MET: variants seen among roughly 807,000 people sequenced by gnomAD.
The protein encoded by MET is MET proto-oncogene, receptor tyrosine kinase.
A neutral mutation model predicts 133.1 loss-of-function variants in MET; 48 were observed. The ratio of observed to expected loss-of-function variants is 0.36; its 90% CI spans 0.29 to 0.46. The LOEUF is 0.46. Ranked by LOEUF, MET falls within the 20% of genes least tolerant of loss-of-function variation. The pLI, the probability that MET is intolerant of heterozygous loss-of-function variation, is 1.00. For missense variants in MET, 1,442 were observed against 1,695.9 expected (o/e 0.85, Z 2.63); for synonymous variants, 628 against 616.5 (o/e 1.02, Z -0.28).
chr7:116,774,801 T>C (rs2117028613), intron 14 of MET, 80 bp from the exon 15 acceptor site: 1 of 1,063,228 alleles, frequency 9.4e-7, no homozygotes, highest in African/African-American at 1.6e-5. Context: ...ACTAATTCCA[T>C]TATAAAAGCT....
chr7:116,777,410 A>G lies in MET; in HGVS notation c.3281A>G (p.His1094Arg), dbSNP rs121913243. 1 of 1,613,868 alleles carries G rather than the reference A, an allele frequency of 6.2e-7. No individual in the cohort carries two copies. The highest frequency in any genetic ancestry group is 8.5e-7 in the Non-Finnish European group (1 of 1,179,846). Reference protein sequence around the residue: ...IGRGHFGCVYHGTLLDNDGKK... With the variant: ...IGRGHFGCVYRGTLLDNDGKK... ...ACAGGGCATTTTGGTTGTGTATATC[A>G]TGGGACTTTGTTGGACAATGATGGC... is the stretch of plus-strand genomic sequence containing the variant. Residue 1094 changes from histidine to arginine, a missense_variant, in exon 16 of 21, where the codon CAT becomes CGT. Transcript: ENST00000397752.
At chr7:116,747,457 A>G (rs1057454981) in intron 5 of MET, among the ~76,000 whole-genome samples, 2 of 152,200 alleles carry the variant, frequency 1.3e-5, no homozygotes, top group Non-Finnish European at 2.9e-5. Context: ...GGAAAGCAAA[A>G]AAAGCAGGGG....
intron 4 of MET, 117 bp from the exon 5 acceptor site, chr7:116,740,735 T>C (rs1035709000): frequency 7.8e-7 from 1 of 1,288,808 alleles, no homozygotes; most frequent in African/African-American, 1.5e-5. Context: ...ACATAGTTGC[T>C]AAGTCTAGAA....
At chr7:116,724,442 G>A (rs1183188173) in intron 2 of MET, among the ~76,000 whole-genome samples, 2 of 152,196 alleles carry the variant, frequency 1.3e-5, no homozygotes, top group African/African-American at 2.4e-5. Context: ...CGTCGCTCAC[G>A]CTGGGAGCTG....
intron 19 of MET, among the ~76,000 whole-genome samples, chr7:116,791,723 G>A (rs1477999566): frequency 6.6e-6 from 1 of 152,064 alleles, no homozygotes; most frequent in Non-Finnish European, 1.5e-5. Context: ...GAAGTGCAGT[G>A]GTGCAATCTT....
At chr7:116,716,684 C>T (rs138190830) in intron 2 of MET, among the ~76,000 whole-genome samples, 116 of 152,238 alleles carry the variant, frequency 7.6e-4, no homozygotes, top group Non-Finnish European at 1.1e-3. Context: ...TCATCAATGG[C>T]GTATTCAAAC....
chr7:116,777,382 T>C lies in MET; in HGVS notation c.3260-7T>C. 6.2e-7 allele frequency: 1 copy of C among 1,613,280 alleles called. No individual in the cohort carries two copies. Among genetic ancestry groups the C allele is most frequent in the Non-Finnish European group, 8.5e-7 (1 of 1,179,272 alleles). On this transcript the variant is annotated splice_polypyrimidine_tract_variant and splice_region_variant and intron_variant, in intron 15 of 20. Coordinates refer to ENST00000397752, the MANE Select transcript of MET (RefSeq NM_000245.4). ...GCAGTGCTAACCAAGTTCTTTCTTT[T>C]GCACAGGGCATTTTGGTTGTGTATA...
intron 5 of MET, among the ~76,000 whole-genome samples, chr7:116,741,711 C>T (rs1793461723): frequency 6.6e-6 from 1 of 152,226 alleles, no homozygotes; most frequent in Non-Finnish European, 1.5e-5. Flanking sequence ...AGCAAAGGCT[C>T]AACGGATGAC....
At chr7:116,776,963 A>G (rs544084654) in intron 15 of MET, among the ~76,000 whole-genome samples, 1 of 152,338 alleles carries the variant, frequency 6.6e-6, no homozygotes, top group East Asian at 1.9e-4. Context: ...GCTTATTAGA[A>G]TATAGAGAAC....
chr7:116,741,214 G>A lies in MET; in HGVS notation c.1701+189G>A, dbSNP rs1233687622. Reference sequence around the variant, plus strand: ...CATCTCTCTCTTGGCTTTATCCCTCGGGCAGGGAGGGGGTGGTGTTTGGGC... The same window carrying A: ...CATCTCTCTCTTGGCTTTATCCCTCAGGCAGGGAGGGGGTGGTGTTTGGGC... On this transcript the variant is annotated intron_variant, in intron 5 of 20. Transcript: ENST00000397752. 7 of 656,492 alleles carry A rather than the reference G, an allele frequency of 1.1e-5. No individual in the cohort carries two copies. The East Asian group carries it at 1.2e-4, about 11-fold the overall frequency. 40.7% of individuals were successfully genotyped at this position (656,492 alleles called of 1,614,324 possible).
At chr7:116,759,740 A>G (rs1794325173) in intron 10 of MET, 6 of 480,856 alleles carry the variant, frequency 1.2e-5, no homozygotes, top group South Asian at 4.0e-5. Context: ...AAGATTACCA[A>G]TTTGAGACAG....
intron 1 of MET, among the ~76,000 whole-genome samples, chr7:116,679,837 T>G (rs141338324): frequency 7.6e-4 from 116 of 152,336 alleles, no homozygotes; most frequent in South Asian, 1.7e-3. Flanking sequence ...GAATTTGACA[T>G]AGCTTTAAGT....
chr7:116,792,742 C>T lies in MET; in HGVS notation c.3799-2913C>T, dbSNP rs542726958. Reference sequence around the variant, plus strand: ...TCCTTGGAAAATTACCCAACTCCATCCCCCTTTTATGTGACTTTGTCTCCA... The same window carrying T: ...TCCTTGGAAAATTACCCAACTCCATTCCCCTTTTATGTGACTTTGTCTCCA... On this transcript the variant is annotated intron_variant, in intron 19 of 20. Coordinates refer to ENST00000397752, the MANE Select transcript of MET (RefSeq NM_000245.4). Among the ~76,000 whole-genome samples, 352 of 152,278 alleles carry T rather than the reference C, an allele frequency of 2.3e-3. 4 individuals are homozygous for T. The highest frequency in any genetic ancestry group is 3.9e-3 in the Non-Finnish European group (263 of 68,024).
chr7:116,774,172 A>G (rs1794918274), intron 14 of MET, among the ~76,000 whole-genome samples: 1 of 152,218 alleles, frequency 6.6e-6, no homozygotes, highest in African/African-American at 2.4e-5. Context: ...TCTCCTTGCA[A>G]AAGGGAACTT....
chr7:116,789,720 A>G (rs1795425794), intron 19 of MET, among the ~76,000 whole-genome samples: 1 of 152,208 alleles, frequency 6.6e-6, no homozygotes, highest in African/African-American at 2.4e-5. Flanking sequence ...AGAGCCATCC[A>G]TGTTGTCGTA....
At chr7:116,735,933 T>C (rs377271832) in intron 3 of MET, among the ~76,000 whole-genome samples, 1 of 152,024 alleles carries the variant, frequency 6.6e-6, no homozygotes, top group Non-Finnish European at 1.5e-5. Flanking sequence ...CGTACCACCA[T>C]GCCCAGCTAA....
intron 17 of MET, among the ~76,000 whole-genome samples, chr7:116,781,711 G>A (rs1795159363): frequency 6.6e-6 from 1 of 152,108 alleles, no homozygotes; most frequent in Admixed American, 6.6e-5. Context: ...GGGACTATAG[G>A]TGCACACCAC....
intron 2 of MET, among the ~76,000 whole-genome samples, chr7:116,704,729 A>G (rs191884083): frequency 1.1e-4 from 16 of 152,248 alleles, no homozygotes; most frequent in Non-Finnish European, 7.4e-5. Flanking sequence ...TCAAAACTGT[A>G]CTATAGTCAA....
intron 2 of MET, chr7:116,724,891 G>T: frequency 7.9e-7 from 1 of 1,266,852 alleles, no homozygotes; most frequent in South Asian, 1.3e-5. Flanking sequence ...TAGGCTTCTT[G>T]TTCTGAGATT....
Sources: allele counts gnomAD v4.1 joint callset (sites outside exome capture counted in the v4.1 genomes callset), GRCh38; gene constraint gnomAD v4.1.1; transcripts MANE v1.5; gene names NCBI Gene and HGNC (gene_info 2026-07-23, HGNC 2026-07-21).